Variants in STXBP4 observed in about 807,000 individuals in gnomAD.
The protein encoded by STXBP4 is syntaxin-binding protein 4.
STXBP4 carries 55 observed loss-of-function variants against 76.1 expected under a neutral mutation model. The ratio of observed to expected loss-of-function variants is 0.72; its 90% confidence interval spans 0.58 to 0.91. The LOEUF (loss-of-function observed/expected upper bound fraction) is 0.91, where lower values mean the gene tolerates loss of function less well. Ranked by LOEUF, STXBP4 falls within the 40% of genes least tolerant of loss-of-function variation. The pLI is 0.00. For missense variants in STXBP4, 618 were observed against 636.9 expected (o/e 0.97, Z 0.32); for synonymous variants, 201 against 220.2 (o/e 0.91, Z 0.77).
the STXBP4 span, among the ~76,000 whole-genome samples, chr17:55,185,251 C>CTTCTTCTTCTTCTTCTTCTTCTTCTTCTT: frequency 2.0e-5 from 1 of 49,330 alleles, no homozygotes; most frequent in African/African-American, 7.9e-5. Context: ...TTCTTCTTCT[C>CTTCTTCTTCTTCTTCTTCTTCTTCTTCTT]CTTCTCCTTC....
At chr17:55,006,255 A>G (rs987510591) in intron 7 of STXBP4, among the ~76,000 whole-genome samples, 2 of 152,140 alleles carry the variant, frequency 1.3e-5, no homozygotes, top group African/African-American at 4.8e-5. Context: ...AATGTTAAGG[A>G]TGTGTTAAAG....
At position 54,985,694 on chromosome 17, in the gene STXBP4, A is replaced by G. The variant is rs79524988; in HGVS notation, c.-79+3A>G. On this transcript the variant is annotated splice_donor_region_variant and intron_variant, in intron 2 of 17. Transcript: ENST00000376352. ...CAGGAAGTGTCTCAAGATAGTTGGTAAGATAATAAGAATTTAGTTTTTTTC... is the reference window on the plus strand; with the variant it reads ...CAGGAAGTGTCTCAAGATAGTTGGTGAGATAATAAGAATTTAGTTTTTTTC... 5.2e-3 allele frequency: 791 copies of G among 152,552 alleles called. 4 individuals carry two copies. The highest frequency in any genetic ancestry group is 8.1e-3 in the Non-Finnish European group (553 of 68,184). The allele number at this position is 152,552 out of a possible 1,614,324, so 9.4% of individuals were successfully genotyped here. A position where few individuals can be genotyped will look rare whatever the true frequency, so the allele number is the denominator to read the frequency against.
chr17:55,108,638 G>C (rs550058993), intron 16 of STXBP4, among the ~76,000 whole-genome samples: 1 of 152,148 alleles, frequency 6.6e-6, no homozygotes, highest in East Asian at 1.9e-4. Flanking sequence ...ACAGTCCCTC[G>C]TGGCTTTCCT....
intron 11 of STXBP4, chr17:55,043,993 T>C (rs746454195): frequency 7.6e-5 from 16 of 209,304 alleles, no homozygotes; most frequent in Non-Finnish European, 1.5e-4. Flanking sequence ...GGACAACATG[T>C]CCATGCCACC....
intron 16 of STXBP4, among the ~76,000 whole-genome samples, chr17:55,086,842 C>T (rs534498099): frequency 1.3e-5 from 2 of 152,276 alleles, no homozygotes; most frequent in East Asian, 3.9e-4. Flanking sequence ...AACCTTTATA[C>T]TGATCTCCAT....
At chr17:55,082,465 A>G (rs2079267903) in intron 16 of STXBP4, among the ~76,000 whole-genome samples, 1 of 152,184 alleles carries the variant, frequency 6.6e-6, no homozygotes, top group African/African-American at 2.4e-5. Flanking sequence ...ATTTTGTTCC[A>G]GATTTTAGTA....
chr17:55,012,588 G>C (rs904063534), intron 8 of STXBP4, among the ~76,000 whole-genome samples: 1 of 152,054 alleles, frequency 6.6e-6, no homozygotes, highest in Non-Finnish European at 1.5e-5. Flanking sequence ...TCTGCATATT[G>C]CCTCATGGGC....
At chr17:54,982,627 A>T (rs532766649) in intron 1 of STXBP4, among the ~76,000 whole-genome samples, 2 of 129,238 alleles carry the variant, frequency 1.5e-5, no homozygotes, top group Admixed American at 7.9e-5. Flanking sequence ...TGTGTGTGTG[A>T]GTGTGGTGAG....
chr17:55,017,691 G>T (rs530901290), intron 8 of STXBP4, among the ~76,000 whole-genome samples: 2 of 152,110 alleles, frequency 1.3e-5, no homozygotes, highest in Admixed American at 1.3e-4. Flanking sequence ...GGCTAAAGCC[G>T]GGAGTTCGGG....
chr17:55,012,283 A>C (rs537426401), intron 8 of STXBP4, among the ~76,000 whole-genome samples: 1 of 152,108 alleles, frequency 6.6e-6, no homozygotes, highest in South Asian at 2.1e-4. Context: ...CTGTGTCCTC[A>C]TGAGGTTCCC....
chr17:54,993,429 T>A (rs1391859695), intron 4 of STXBP4, among the ~76,000 whole-genome samples: 3 of 152,174 alleles, frequency 2.0e-5, no homozygotes, highest in Admixed American at 2.0e-4. Context: ...TGCAGTGAGC[T>A]ATGATTGCAT....
chr17:55,056,513 A>G (rs1567740921), intron 12 of STXBP4, among the ~76,000 whole-genome samples: 2 of 152,290 alleles, frequency 1.3e-5, no homozygotes, highest in East Asian at 3.9e-4. Flanking sequence ...TAACAAAACT[A>G]TTTTATTTTC....
chr17:54,980,696 TGG>T (rs1220336396), intron 1 of STXBP4, among the ~76,000 whole-genome samples: 1 of 152,214 alleles, frequency 6.6e-6, no homozygotes, highest in Non-Finnish European at 1.5e-5. Context: ...CATCCTTTTG[TGG>T]AGAGGTAGGG....
chr17:54,995,870 C>G (rs928925177), intron 4 of STXBP4, among the ~76,000 whole-genome samples: 1 of 152,070 alleles, frequency 6.6e-6, no homozygotes, highest in African/African-American at 2.4e-5. Context: ...TTCTTGGCCC[C>G]CTTTAACCTA....
At chr17:55,041,228 C>CTTT (rs373020633) in intron 10 of STXBP4, among the ~76,000 whole-genome samples, 50 of 122,198 alleles carry the variant, frequency 4.1e-4, no homozygotes, top group East Asian at 9.5e-4. Flanking sequence ...TTTATTTAAA[C>CTTT]TTTTTTTTTT....
At chr17:55,183,874 G>T in the STXBP4 span, among the ~76,000 whole-genome samples, 3,433 of 152,136 alleles carry the variant, frequency 0.023, 131 homozygotes, top group African/African-American at 0.078. Flanking sequence ...TAATATACAA[G>T]CTTATGTTAT....
chr17:55,051,772 G>C (rs1473620161), intron 12 of STXBP4, among the ~76,000 whole-genome samples: 1 of 151,960 alleles, frequency 6.6e-6, no homozygotes, highest in Admixed American at 6.6e-5. Context: ...GAAAAAGAAA[G>C]AAGGAAAGAA....
At chr17:55,159,120 C>T (rs1413640783) in intron 17 of STXBP4, among the ~76,000 whole-genome samples, 2 of 152,238 alleles carry the variant, frequency 1.3e-5, no homozygotes, top group South Asian at 4.1e-4. Context: ...TGGTGCGCAC[C>T]TTTAGCCCTA....
Position 55,141,316 on chromosome 17 carries a change from CT to C in STXBP4, c.1498del (p.Tyr500MetfsTer19), listed in dbSNP as rs1567779742. On this transcript the variant is annotated frameshift_variant, in exon 17 of 18. Coordinates refer to ENST00000376352, the MANE Select transcript of STXBP4 (RefSeq NM_178509.6). LOFTEE classifies it high-confidence loss of function. ...VRALLDMDCL[P>X]YGWEEAYTAD... ...TGGTTTCCTTTCACTGTAGGTTTAC[CT>C]TATGGGTGGGAGGAAGCTTACACAG... 2.5e-6 allele frequency: 4 copies of C among 1,610,292 alleles called. No homozygotes were observed. Among genetic ancestry groups the C allele is most frequent in the Non-Finnish European group, 3.4e-6 (4 of 1,178,248 alleles).
Sources: allele counts gnomAD v4.1 joint callset (sites outside exome capture counted in the v4.1 genomes callset), GRCh38; gene constraint gnomAD v4.1.1; transcripts MANE v1.5; gene names NCBI Gene and HGNC (gene_info 2026-07-23, HGNC 2026-07-21).